Variants in FUT8 observed in about 807,000 individuals in gnomAD.
FUT8 encodes the protein fucosyltransferase 8, also known as alpha-(1,6)-fucosyltransferase.
A neutral mutation model predicts 71.3 loss-of-function variants in FUT8; 29 were observed. The observed-to-expected ratio is 0.41, with a 90% CI of 0.30 to 0.55. The LOEUF (loss-of-function observed/expected upper bound fraction) is 0.55, where lower values mean the gene tolerates loss of function less well. FUT8 is among the 20% of genes least tolerant of loss of function. FUT8 has a pLI of 0.34. For missense variants in FUT8, 544 were observed against 702.1 expected, an observed-to-expected ratio of 0.77 and a Z score of 2.55; for synonymous variants, 254 against 239.3, an observed-to-expected ratio of 1.06 and a Z score of -0.57.
chr14:65,475,076 C>T (rs1055068255), intron 2 of FUT8, among the ~76,000 whole-genome samples: 1 of 151,998 alleles, frequency 6.6e-6, no homozygotes, highest in East Asian at 1.9e-4. Context: ...AGGATGATCT[C>T]ATATTTCTTT....
At chr14:65,455,092 AAAG>A (rs1219548192) in intron 1 of FUT8, among the ~76,000 whole-genome samples, 1 of 152,204 alleles carries the variant, frequency 6.6e-6, no homozygotes, top group East Asian at 1.9e-4. Context: ...TTTTTTAAAA[AAAG>A]GAATGTTGTA....
At chr14:65,575,675 G>A (rs1359015288) in intron 3 of FUT8, among the ~76,000 whole-genome samples, 1 of 148,512 alleles carries the variant, frequency 6.7e-6, no homozygotes, top group African/African-American at 2.5e-5. Context: ...CTGGAGTGCA[G>A]CGGCACATTC....
intron 1 of FUT8, among the ~76,000 whole-genome samples, chr14:65,447,754 T>C (rs533571893): frequency 3.3e-5 from 5 of 152,148 alleles, no homozygotes; most frequent in Non-Finnish European, 7.4e-5. Flanking sequence ...GGAGGAGACC[T>C]TTAAAATTTA....
At chr14:65,475,266 T>G (rs1322355018) in intron 2 of FUT8, among the ~76,000 whole-genome samples, 1 of 152,214 alleles carries the variant, frequency 6.6e-6, no homozygotes, top group South Asian at 2.1e-4. Flanking sequence ...TCCCCTGATT[T>G]CCTCTATAAT....
chr14:65,445,471 G>T (rs1408070389), intron 1 of FUT8, among the ~76,000 whole-genome samples: 1 of 152,308 alleles, frequency 6.6e-6, no homozygotes, highest in Admixed American at 6.5e-5. Flanking sequence ...GGGGGAGGGT[G>T]TGTGACTATG....
At chr14:65,486,917 T>C (rs2066417137) in intron 2 of FUT8, among the ~76,000 whole-genome samples, 1 of 152,226 alleles carries the variant, frequency 6.6e-6, no homozygotes, top group Non-Finnish European at 1.5e-5. Flanking sequence ...CATATTTCCC[T>C]AGTGATTATA....
intron 2 of FUT8, chr14:65,458,224 AAT>A (rs2139571742): frequency 6.7e-6 from 1 of 148,572 alleles, no homozygotes; most frequent in South Asian, 2.2e-4. Context: ...AGTGTAAAAC[AAT>A]ATAAAACAAC....
chr14:65,402,351 C>T, the FUT8 span, among the ~76,000 whole-genome samples: 1 of 151,212 alleles, frequency 6.6e-6, no homozygotes, highest in African/African-American at 2.4e-5. Flanking sequence ...CAGGCATGCA[C>T]CATCATGCCC....
At chr14:65,655,159 C>T (rs1192920546) in intron 6 of FUT8, among the ~76,000 whole-genome samples, 1 of 151,436 alleles carries the variant, frequency 6.6e-6, no homozygotes, top group African/African-American at 2.4e-5. Context: ...ATACACCATG[C>T]AAACAATAAT....
At chr14:65,724,103 C>T in intron 8 of FUT8, 44 bp from the exon 9 acceptor site, 1 of 1,412,384 alleles carries the variant, frequency 7.1e-7, no homozygotes, top group Non-Finnish European at 9.4e-7. Context: ...CTCAAAGCAC[C>T]CAGTGTCAGT....
In FUT8 at chr14:65,721,807, G is replaced by A. The variant is rs375771875; in HGVS notation, c.868G>A (p.Glu290Lys). Residue 290 changes from glutamate (E) to lysine (K), a missense_variant, in exon 8 of 11, where the codon GAG (glutamate) becomes AAG (lysine). Coordinates refer to ENST00000673929, the MANE Select transcript of FUT8 (RefSeq NM_001371533.1). The stretch of plus-strand genomic sequence containing the variant: ...GAAGGACAAAAATGTTCAAGTGGTC[G>A]AGCTTCCCATTGTAGACAGTCTTCA... ...EVKDKNVQVV[E>K]LPIVDSLHPR... The A allele has an allele frequency of 9.9e-6, 16 of 1,614,126 alleles. No individual in the cohort carries two copies. The highest frequency in any genetic ancestry group is 3.3e-5 in the Admixed American group (2 of 60,022).
intron 1 of FUT8, among the ~76,000 whole-genome samples, chr14:65,432,114 C>G (rs1463836223): frequency 6.6e-6 from 1 of 152,198 alleles, no homozygotes; most frequent in African/African-American, 2.4e-5. Context: ...TTTTCCTCCT[C>G]CCTTCTCCTT....
intron 2 of FUT8, among the ~76,000 whole-genome samples, chr14:65,475,702 G>A (rs2139659380): frequency 6.6e-6 from 1 of 152,170 alleles, no homozygotes; most frequent in Non-Finnish European, 1.5e-5. Flanking sequence ...CAGTGAGGCT[G>A]AGCTCTACCA....
chr14:65,579,524 G>C (rs7155541), intron 3 of FUT8, among the ~76,000 whole-genome samples: 53,356 of 151,906 alleles, frequency 0.35, 11,697 homozygotes, highest in Non-Finnish European at 0.49. Context: ...AGTAGAAATG[G>C]CACATTAAAC....
intron 2 of FUT8, among the ~76,000 whole-genome samples, chr14:65,555,736 C>G (rs995147852): frequency 1.3e-5 from 2 of 152,150 alleles, no homozygotes; most frequent in Admixed American, 6.5e-5. Context: ...TGCCCAATAT[C>G]TGAAAACAGT....
chr14:65,454,160 T>C (rs1237877946), intron 1 of FUT8, among the ~76,000 whole-genome samples: 3 of 152,212 alleles, frequency 2.0e-5, no homozygotes, highest in Non-Finnish European at 4.4e-5. Flanking sequence ...TTTCACACTA[T>C]TGGATTATTG....
At chr14:65,365,696 G>A in the FUT8 span, among the ~76,000 whole-genome samples, 9 of 152,144 alleles carry the variant, frequency 5.9e-5, no homozygotes, top group African/African-American at 2.2e-4. Context: ...ACAAGAGGTT[G>A]CCCTATAGGG....
chr14:65,557,284 G>A (rs1185334414), intron 2 of FUT8, among the ~76,000 whole-genome samples: 1 of 151,416 alleles, frequency 6.6e-6, no homozygotes, highest in Non-Finnish European at 1.5e-5. Flanking sequence ...ACCTTAAAAA[G>A]GTGATATCAA....
upstream of FUT8, chr14:65,411,657 T>C (rs1321401394): frequency 4.9e-6 from 1 of 205,100 alleles, no homozygotes; most frequent in Non-Finnish European, 1.0e-5. Flanking sequence ...TACTTTAAAA[T>C]GCCCAAGCCT....
Sources: gnomAD v4.1 joint callset for allele counts (sites outside exome capture counted in the v4.1 genomes callset) on GRCh38, gnomAD v4.1.1 for gene constraint, MANE v1.5 for transcripts, NCBI Gene and HGNC (gene_info 2026-07-23, HGNC 2026-07-21) for gene names.